PPM1D: variants seen among roughly 807,000 people sequenced by gnomAD.
The protein encoded by PPM1D is protein phosphatase 1D.
In PPM1D, 52 loss-of-function variants were observed where a neutral mutation model predicts 58.3. The ratio of observed to expected loss-of-function variants is 0.89; its 90% CI spans 0.71 to 1.12. The LOEUF (loss-of-function observed/expected upper bound fraction) is 1.12. Ranked by LOEUF, PPM1D falls within the 50% of genes most tolerant of loss-of-function variation. PPM1D has a pLI of 0.00. For missense variants in PPM1D, 564 were observed against 777.2 expected (o/e 0.73, Z 3.26); for synonymous variants, 278 against 285.1 (o/e 0.98, Z 0.25).
intron 3 of PPM1D, among the ~76,000 whole-genome samples, chr17:60,635,749 T>C (rs556760921): frequency 6.6e-6 from 1 of 152,342 alleles, no homozygotes; most frequent in South Asian, 2.1e-4. Context: ...AGTTCAGAGA[T>C]ATCTACATGT....
chr17:60,663,056 G>A lies in PPM1D; in HGVS notation c.1322G>A (p.Arg441His), dbSNP rs770633028. The change falls in exon 6 of 6, where the codon CGT (arginine) becomes CAT (histidine). Residue 441 changes from arginine (R) to histidine (H), a missense_variant. Physicochemically the swap from Arg to His is conservative, Grantham distance 29. Transcript: ENST00000305921. ...NSKDHIPALV[R>H]SNAFSENFLE... is the part of the protein sequence containing the mutation. ...AAGGACCATATACCTGCCCTGGTTCGTAGCAATGCCTTCTCAGAGAATTTT... is the reference window on the plus strand; with the variant it reads ...AAGGACCATATACCTGCCCTGGTTCATAGCAATGCCTTCTCAGAGAATTTT... 31 of 1,614,004 alleles carry A rather than the reference G, an allele frequency of 1.9e-5. No individual in the cohort carries two copies. Among genetic ancestry groups the A allele is most frequent in the African/African-American group, 2.7e-5 (2 of 74,922 alleles).
chr17:60,610,153 C>T (rs1387380285), intron 1 of PPM1D, among the ~76,000 whole-genome samples: 1 of 145,330 alleles, frequency 6.9e-6, no homozygotes, highest in Non-Finnish European at 1.5e-5. Flanking sequence ...GCACTCCAAC[C>T]TAGCAATAGA....
At chr17:60,621,230 T>C (rs1037799857) in intron 1 of PPM1D, among the ~76,000 whole-genome samples, 1 of 152,210 alleles carries the variant, frequency 6.6e-6, no homozygotes, top group Non-Finnish European at 1.5e-5. Flanking sequence ...GCCTGAGTTA[T>C]GCTTTCAATG....
chr17:60,622,973 T>A (rs933960033), intron 1 of PPM1D, among the ~76,000 whole-genome samples: 1 of 152,150 alleles, frequency 6.6e-6, no homozygotes, highest in African/African-American at 2.4e-5. Flanking sequence ...GGCAGGCGCC[T>A]GTAATACCAG....
At chr17:60,662,536 A>C (rs2031543618) in intron 5 of PPM1D, 1 of 155,300 alleles carries the variant, frequency 6.4e-6, no homozygotes, top group East Asian at 1.9e-4. Context: ...TATTACCAAA[A>C]GTAAATTAAA....
chr17:60,633,759 G>A (rs1567971134), intron 2 of PPM1D, 94 bp from the exon 3 acceptor site: 1 of 1,227,850 alleles, frequency 8.1e-7, no homozygotes, highest in Non-Finnish European at 1.1e-6. Flanking sequence ...TTGTAATAAT[G>A]TAGTCTTATT....
At chr17:60,651,459 G>A (rs925653305) in intron 4 of PPM1D, among the ~76,000 whole-genome samples, 2 of 150,146 alleles carry the variant, frequency 1.3e-5, no homozygotes, top group African/African-American at 2.5e-5. Flanking sequence ...GTGCAGTGGC[G>A]CGATCTCAGC....
intron 1 of PPM1D, among the ~76,000 whole-genome samples, chr17:60,613,816 GC>G (rs1034002380): frequency 6.6e-6 from 1 of 152,170 alleles, no homozygotes; most frequent in African/African-American, 2.4e-5. Flanking sequence ...CCGGCGCTGC[GC>G]TGGATTTCTC....
rs759042940 is a variant in PPM1D at position 60,663,586 on chromosome 17, A to C, written c.*34A>C. The C allele has an allele frequency of 1.3e-6, 2 of 1,567,994 alleles. No individual in the cohort carries two copies. Among genetic ancestry groups the C allele is most frequent in the South Asian group, 1.1e-5 (1 of 87,484 alleles). Reference sequence around the variant, plus strand: ...TGGGAAATGAGGTTTTTCCAAACTTAGGATATAAGAGGGCTTTTTAAATTT... The same window carrying C: ...TGGGAAATGAGGTTTTTCCAAACTTCGGATATAAGAGGGCTTTTTAAATTT... On this transcript the variant is annotated 3_prime_UTR_variant, in exon 6 of 6. Coordinates refer to ENST00000305921, the MANE Select transcript of PPM1D (RefSeq NM_003620.4).
At chr17:60,634,365 A>G (rs2143675897) in intron 3 of PPM1D, among the ~76,000 whole-genome samples, 1 of 152,252 alleles carries the variant, frequency 6.6e-6, no homozygotes, top group East Asian at 1.9e-4. Flanking sequence ...TGATCGCATC[A>G]CTGCACTCCA....
intron 1 of PPM1D, among the ~76,000 whole-genome samples, chr17:60,610,950 A>G (rs1224904332): frequency 6.6e-6 from 1 of 152,210 alleles, no homozygotes; most frequent in African/African-American, 2.4e-5. Flanking sequence ...TCTGCATTTT[A>G]TGGTGGTGAA....
At chr17:60,614,821 A>G (rs1445078098) in intron 1 of PPM1D, among the ~76,000 whole-genome samples, 11 of 152,128 alleles carry the variant, frequency 7.2e-5, no homozygotes, top group Admixed American at 7.2e-4. Flanking sequence ...AGCCAGCGAG[A>G]CCACGAACCC....
Position 60,665,433 on chromosome 17 carries a change from C to G in PPM1D, c.*1881C>G, listed in dbSNP as rs1567980569. On this transcript the variant is annotated 3_prime_UTR_variant, in exon 6 of 6. Coordinates refer to ENST00000305921, the MANE Select transcript of PPM1D (RefSeq NM_003620.4). ...TCATGTTGGCCAAGATGGTCTTGAT[C>G]TCTTGACCTCATGATCCACCAGCCT... 6.6e-6 allele frequency: 1 copy of G among 151,962 alleles called. No individual in the cohort carries two copies. The highest frequency in any genetic ancestry group is 1.5e-5 in the Non-Finnish European group (1 of 68,008). 9.4% of individuals were successfully genotyped at this position (151,962 alleles called of 1,614,324 possible). A position where few individuals can be genotyped will look rare whatever the true frequency, so the allele number is the denominator to read the frequency against.
chr17:60,617,951 T>G (rs2030618656), intron 1 of PPM1D, among the ~76,000 whole-genome samples: 1 of 152,236 alleles, frequency 6.6e-6, no homozygotes, highest in Non-Finnish European at 1.5e-5. Flanking sequence ...CTGACTTTCA[T>G]CATGAGAGTT....
intron 4 of PPM1D, among the ~76,000 whole-genome samples, chr17:60,653,053 A>G (rs2031373807): frequency 1.3e-5 from 2 of 152,158 alleles, no homozygotes; most frequent in African/African-American, 4.8e-5. Flanking sequence ...TTGAGGTCTC[A>G]TGCAAAAATT....
intron 2 of PPM1D, among the ~76,000 whole-genome samples, chr17:60,629,253 C>T (rs2030872290): frequency 6.6e-6 from 1 of 152,208 alleles, no homozygotes; most frequent in African/African-American, 2.4e-5. Context: ...TGTATGCATG[C>T]AGTTTGTCTT....
intron 2 of PPM1D, among the ~76,000 whole-genome samples, chr17:60,626,611 G>A (rs927092896): frequency 2.6e-4 from 40 of 151,942 alleles, no homozygotes; most frequent in African/African-American, 9.2e-4. Context: ...AGCCAGGATG[G>A]TCTTGATCTC....
chr17:60,629,587 A>ATTATAAACAGAATTCTTCCATATAT (rs2030877620), intron 2 of PPM1D, among the ~76,000 whole-genome samples: 2 of 152,192 alleles, frequency 1.3e-5, no homozygotes, highest in Non-Finnish European at 2.9e-5. Flanking sequence ...GGCTTTGCAA[A>ATTATAAACAGAATTCTTCCATATAT]TTATAAACAG....
At chr17:60,602,797 A>AAAC (rs1555643762) in intron 1 of PPM1D, among the ~76,000 whole-genome samples, 161 of 149,470 alleles carry the variant, frequency 1.1e-3, no homozygotes, top group Admixed American at 2.6e-3. Flanking sequence ...AAAAAAAAAA[A>AAAC]AAAGTATGCT....
Sources: gnomAD v4.1 joint callset for allele counts (sites outside exome capture counted in the v4.1 genomes callset) on GRCh38, gnomAD v4.1.1 for gene constraint, MANE v1.5 for transcripts, NCBI Gene and HGNC (gene_info 2026-07-23, HGNC 2026-07-21) for gene names.